Variants in YWHAQ observed in about 807,000 individuals in gnomAD.
YWHAQ encodes the protein 14-3-3 protein theta.
YWHAQ carries 6 observed loss-of-function variants against 28.3 expected under a neutral mutation model. That is an observed-to-expected ratio of 0.21 (90% confidence interval 0.12 to 0.42). The LOEUF (loss-of-function observed/expected upper bound fraction) is 0.42, where lower values mean the gene tolerates loss of function less well. Among genes scored for constraint, YWHAQ ranks in the 10% least tolerant of loss-of-function variants. The probability of loss-of-function intolerance (pLI) is 1.00; values close to 1 mark genes in which losing one functional copy is unlikely to be tolerated. For missense variants in YWHAQ, 201 were observed against 305.6 expected, an observed-to-expected ratio of 0.66 and a Z score of 2.55; for synonymous variants, 143 against 119.1, an observed-to-expected ratio of 1.20 and a Z score of -1.31.
rs552528318 is a variant in YWHAQ, at chr2:9,623,702, G to A, written c.294+6457C>T. On this transcript the variant is annotated intron_variant, in intron 2 of 5. Transcript: ENST00000238081. ...ACAGGAGAATTGCTTGAACCCGGAG[G>A]CAGAGGTTGAGGTGAACCAAGATTG... Among the ~76,000 whole-genome samples the A allele has an allele frequency of 3.7e-4, 57 of 152,290 alleles. 1 individual carries two copies. The highest frequency in any genetic ancestry group is 6.8e-3 in the Middle Eastern group (2 of 294).
At chr2:9,591,608 A>C in intron 2 of YWHAQ, 93 bp from the exon 3 acceptor site, 4 of 1,451,386 alleles carry the variant, frequency 2.8e-6, no homozygotes, top group Non-Finnish European at 3.7e-6. Flanking sequence ...GGGCATTTCA[A>C]TCATTTACTA....
At position 9,585,049 on chromosome 2, in the gene YWHAQ, T is replaced by C; in HGVS notation, c.*237A>G. 1 of 514,876 alleles carries C rather than the reference T, an allele frequency of 1.9e-6. No homozygotes were observed. The highest frequency in any genetic ancestry group is 3.5e-6 in the Non-Finnish European group (1 of 284,468). The allele number at this position is 514,876 out of a possible 1,614,324, so 31.9% of individuals were successfully genotyped here. On this transcript the variant is annotated 3_prime_UTR_variant, in exon 6 of 6. Transcript: ENST00000238081. ...CATAAGTGTTTGGGAGTTACTTATG[T>C]TTATATGAAATGAAGCTATTAATAC...
chr2:9,630,545 G>A lies in YWHAQ; in HGVS notation c.-82-11C>T, dbSNP rs901767378. On this transcript the variant is annotated splice_polypyrimidine_tract_variant and intron_variant, in intron 1 of 5. Coordinates refer to ENST00000238081, the MANE Select transcript of YWHAQ (RefSeq NM_006826.4). The surrounding 1 kb of genome is among the most constrained non-coding windows in gnomAD (Gnocchi z 5.6). ...GAGGAGCCTCGAGAGCTGCGGAGGG[G>A]CGGGGCGGCGAGGCGAGAACAAAAA... is the stretch of plus-strand genomic sequence containing the variant. 34 of 1,281,940 alleles carry A rather than the reference G, an allele frequency of 2.7e-5. No homozygotes were observed. The highest frequency in any genetic ancestry group is 3.5e-5 in the Non-Finnish European group (34 of 960,454). The allele number at this position is 1,281,940 out of a possible 1,614,324, so 79.4% of individuals were successfully genotyped here.
chr2:9,600,864 G>A (rs1298144539), intron 2 of YWHAQ, among the ~76,000 whole-genome samples: 1 of 152,154 alleles, frequency 6.6e-6, no homozygotes, highest in Admixed American at 6.6e-5. Flanking sequence ...CCAGCAAAAA[G>A]ATAAGGACTT....
chr2:9,595,698 CAAAAAAAAAAAA>C (rs34902007), intron 2 of YWHAQ, among the ~76,000 whole-genome samples: 1 of 75,448 alleles, frequency 1.3e-5, no homozygotes, highest in Non-Finnish European at 2.7e-5. Context: ...AATTCCATCT[CAAAAAAAAAAAA>C]AAAAAAAAAG....
In YWHAQ at chr2:9,620,524, A is replaced by G. The variant is rs1370777685; in HGVS notation, c.294+9635T>C. ...CCAGCTCTGAAAGACCATTATCCAT[A>G]TTTTTCATGGATGTCAACTCTGCTT... On this transcript the variant is annotated intron_variant, in intron 2 of 5. Transcript: ENST00000238081. The G allele has an allele frequency of 2.6e-5, 4 of 152,114 alleles. No homozygotes were observed. The South Asian group carries it at 6.2e-4, about 24-fold the overall frequency. The allele number at this position is 152,114 out of a possible 1,614,324, so 9.4% of individuals were successfully genotyped here.
chr2:9,596,412 T>C (rs1394282184), intron 2 of YWHAQ, among the ~76,000 whole-genome samples: 1 of 152,208 alleles, frequency 6.6e-6, no homozygotes, highest in Non-Finnish European at 1.5e-5. Context: ...TTATAAGCGA[T>C]TTCCATTTTA....
At chr2:9,590,217 C>G (rs1359925950) in intron 3 of YWHAQ, among the ~76,000 whole-genome samples, 1 of 152,214 alleles carries the variant, frequency 6.6e-6, no homozygotes, top group Non-Finnish European at 1.5e-5. Flanking sequence ...CTCCCAAATA[C>G]TTCTCTTTGG....
At chr2:9,589,302 AATAATT>A (rs1666410166) in intron 3 of YWHAQ, among the ~76,000 whole-genome samples, 1 of 152,136 alleles carries the variant, frequency 6.6e-6, no homozygotes, top group Admixed American at 6.5e-5. Context: ...ATTTGACTGG[AATAATT>A]TACAGTGGCT....
intron 2 of YWHAQ, among the ~76,000 whole-genome samples, chr2:9,627,817 C>T (rs886588119): frequency 6.6e-6 from 1 of 152,162 alleles, no homozygotes; most frequent in South Asian, 2.1e-4. Context: ...CCAGCCACAC[C>T]GACACACTGT....
chr2:9,605,389 C>G (rs1366668585), intron 2 of YWHAQ, among the ~76,000 whole-genome samples: 1 of 152,150 alleles, frequency 6.6e-6, no homozygotes, highest in Non-Finnish European at 1.5e-5. Flanking sequence ...CCCACGTCAG[C>G]CTCTCAAAGT....
intron 2 of YWHAQ, among the ~76,000 whole-genome samples, chr2:9,599,108 G>A (rs1025218437): frequency 1.3e-4 from 20 of 152,180 alleles, no homozygotes. Context: ...TAGAAGCTGA[G>A]GCCAGCCACA....
intron 2 of YWHAQ, among the ~76,000 whole-genome samples, chr2:9,610,714 G>A (rs1359323597): frequency 6.6e-6 from 1 of 152,082 alleles, no homozygotes; most frequent in Non-Finnish European, 1.5e-5. Context: ...CTCCATGTTG[G>A]TCAGGCTGGT....
intron 2 of YWHAQ, among the ~76,000 whole-genome samples, chr2:9,617,417 G>A (rs1037804572): frequency 6.6e-6 from 1 of 152,094 alleles, no homozygotes; most frequent in Non-Finnish European, 1.5e-5. Flanking sequence ...GAGGTACCTA[G>A]AGTAGTCAAA....
chr2:9,628,844 CT>C (rs541129901), intron 2 of YWHAQ: 12 of 152,338 alleles, frequency 7.9e-5, no homozygotes, highest in Middle Eastern at 3.4e-3. Flanking sequence ...AGTAAATAAT[CT>C]TAAGTTTTCT....
chr2:9,622,470 A>C (rs148349314), intron 2 of YWHAQ, among the ~76,000 whole-genome samples: 2 of 152,278 alleles, frequency 1.3e-5, no homozygotes, highest in African/African-American at 2.4e-5. Flanking sequence ...CAATTTTCCT[A>C]CTAGTGGATT....
chr2:9,604,119 C>T (rs1666771187), intron 2 of YWHAQ, among the ~76,000 whole-genome samples: 1 of 152,072 alleles, frequency 6.6e-6, no homozygotes, highest in South Asian at 2.1e-4. Context: ...GTGCTACGCT[C>T]CCCACCTGAG....
chr2:9,609,435 A>G (rs1230954014), intron 2 of YWHAQ, among the ~76,000 whole-genome samples: 1 of 152,214 alleles, frequency 6.6e-6, no homozygotes, highest in Admixed American at 6.5e-5. Flanking sequence ...ATGCGAATAG[A>G]AAGAGAAGGT....
chr2:9,602,701 GT>G (rs1259728998), intron 2 of YWHAQ, among the ~76,000 whole-genome samples: 2 of 150,404 alleles, frequency 1.3e-5, no homozygotes, highest in African/African-American at 4.9e-5. Context: ...CCAGCTAATT[GT>G]TTTTATATTT....
Sources: allele counts gnomAD v4.1 joint callset (sites outside exome capture counted in the v4.1 genomes callset), GRCh38; gene constraint gnomAD v4.1.1; non-coding constraint Gnocchi (gnomAD v3.1); transcripts MANE v1.5; gene names NCBI Gene and HGNC (gene_info 2026-07-23, HGNC 2026-07-21).